Variants in MED22 observed in about 807,000 individuals in gnomAD.
MED22 encodes mediator of RNA polymerase II transcription subunit 22.
MED22 carries 22 observed loss-of-function variants against 22.7 expected under a neutral mutation model. The ratio of observed to expected loss-of-function variants is 0.97; its 90% CI spans 0.69 to 1.38. MED22 has a LOEUF of 1.38. MED22 is among the 40% of genes most tolerant of loss of function. The pLI, the probability that MED22 is intolerant of heterozygous loss-of-function variation, is 0.00. For missense variants in MED22, 247 were observed against 263.0 expected (o/e 0.94, Z 0.42); for synonymous variants, 134 against 119.4 (o/e 1.12, Z -0.80).
Position 133,346,530 on chromosome 9 carries a change from C to T in MED22, c.123+10G>A, listed in dbSNP as rs2129968568. The T allele has an allele frequency of 6.2e-7, 1 of 1,612,120 alleles. No homozygotes were observed. The highest frequency in any genetic ancestry group is 8.5e-7 in the Non-Finnish European group (1 of 1,179,898). On this transcript the variant is annotated intron_variant, in intron 2 of 4. Transcript: ENST00000343730. ...ACTCTGCTCCCCTTGGTGGGCCACC[C>T]CACCCCCACCTTGGCGGTCTTGATG... is the stretch of plus-strand genomic sequence containing the variant.
chr9:133,339,244 A>G lies in MED22; in HGVS notation c.*2261T>C. The G allele has an allele frequency of 4.3e-6, 3 of 703,384 alleles. No homozygotes were observed. Among genetic ancestry groups the G allele is most frequent in the African/African-American group, 1.7e-5 (1 of 57,280 alleles). 43.6% of individuals were successfully genotyped at this position (703,384 alleles called of 1,614,324 possible). Reference sequence around the variant, plus strand: ...ACAAGTAAGGGCAAGATTCTTGCCAAGAGAATGAATGTGCATATTCAGCAC... The same window carrying G: ...ACAAGTAAGGGCAAGATTCTTGCCAGGAGAATGAATGTGCATATTCAGCAC... On this transcript the variant is annotated 3_prime_UTR_variant, in exon 5 of 5. Transcript: ENST00000343730.
In MED22 at chr9:133,346,536, C is replaced by T; in HGVS notation, c.123+4G>A. ...CTCCCCTTGGTGGGCCACCCCACCC[C>T]CACCTTGGCGGTCTTGATGATCTCG... On this transcript the variant is annotated splice_donor_region_variant and intron_variant, in intron 2 of 4. Coordinates refer to ENST00000343730, the MANE Select transcript of MED22 (RefSeq NM_133640.5). The T allele has an allele frequency of 6.2e-7, 1 of 1,612,384 alleles. No homozygotes were observed.
chr9:133,343,326 G>A (rs1836069626), intron 4 of MED22: 1 of 1,229,754 alleles, frequency 8.1e-7, no homozygotes, highest in African/African-American at 1.6e-5. Context: ...GATTTTCTAA[G>A]CTAATGGGGC....
chr9:133,341,562 C>G lies in MED22; in HGVS notation c.546G>C (p.Gln182His). ...ASPEPSAGPL[Q>H]VAAPAHSHAG... ...CATGGGAGTGGGCAGGGGCTGCCAC[C>G]TGTAGGGGGCCAGCACTGGGCTCCG... is the stretch of plus-strand genomic sequence containing the variant. Residue 182 changes from glutamine (Q) to histidine (H), a missense_variant, in exon 5 of 5, where the codon CAG (glutamine) becomes CAC (histidine). Transcript: ENST00000343730. 1 of 1,560,264 alleles carries G rather than the reference C, an allele frequency of 6.4e-7. No individual in the cohort carries two copies. The highest frequency in any genetic ancestry group is 8.6e-7 in the Non-Finnish European group (1 of 1,160,740).
chr9:133,346,410 TGACC>T, intron 2 of MED22, 126 bp downstream of exon 2: 5 of 1,169,740 alleles, frequency 4.3e-6, no homozygotes, highest in Non-Finnish European at 6.1e-6. Context: ...GCTTATCTAC[TGACC>T]AGCTCCCTGT....
chr9:133,339,320 T>C lies in MED22; in HGVS notation c.*2185A>G. ...GCTTCCTGAAACGCGTGAAGGAAAATGATCAGAAAAAGAGGGAAGCCAAAG... is the reference window on the plus strand; with the variant it reads ...GCTTCCTGAAACGCGTGAAGGAAAACGATCAGAAAAAGAGGGAAGCCAAAG... On this transcript the variant is annotated 3_prime_UTR_variant, in exon 5 of 5. Transcript: ENST00000343730. 1 of 711,886 alleles carries C rather than the reference T, an allele frequency of 1.4e-6. No homozygotes were observed. The allele number at this position is 711,886 out of a possible 1,614,324, so 44.1% of individuals were successfully genotyped here.
chr9:133,342,652 A>G, intron 4 of MED22: 1 of 985,834 alleles, frequency 1.0e-6, no homozygotes, highest in Non-Finnish European at 1.2e-6. Flanking sequence ...CAATGTACAG[A>G]GGAGGGCAAC....
At position 133,339,173 on chromosome 9, in the gene MED22, G is replaced by C; in HGVS notation, c.*2332C>G. The C allele has an allele frequency of 1.5e-6, 1 of 687,358 alleles. No individual in the cohort carries two copies. The highest frequency in any genetic ancestry group is 1.8e-5 in the Admixed American group (1 of 56,082). The allele number at this position is 687,358 out of a possible 1,614,324, so 42.6% of individuals were successfully genotyped here. On this transcript the variant is annotated 3_prime_UTR_variant, in exon 5 of 5. Coordinates refer to ENST00000343730, the MANE Select transcript of MED22 (RefSeq NM_133640.5). The stretch of plus-strand genomic sequence containing the variant: ...CCACAAATGTCACCATGGCTAGACT[G>C]GGAGAGTCTACAGTGTTCCCCAGCA...
Position 133,340,624 on chromosome 9 carries a change from C to T in MED22, c.*881G>A, listed in dbSNP as rs1188306081. On this transcript the variant is annotated 3_prime_UTR_variant, in exon 5 of 5. Coordinates refer to ENST00000343730, the MANE Select transcript of MED22 (RefSeq NM_133640.5). ...CTCTGTGGCCGTGGTACACCTCACC[C>T]CTTCTAAGTCCACATCCTCTCCTCT... is the stretch of plus-strand genomic sequence containing the variant. 6.6e-6 allele frequency: 1 copy of T among 152,266 alleles called. No homozygotes were observed. The highest frequency in any genetic ancestry group is 2.4e-5 in the African/African-American group (1 of 41,466). 9.4% of individuals were successfully genotyped at this position (152,266 alleles called of 1,614,324 possible).
At position 133,339,171 on chromosome 9, in the gene MED22, C is replaced by A; in HGVS notation, c.*2334G>T. 1.5e-6 allele frequency: 1 copy of A among 686,372 alleles called. No homozygotes were observed. 42.5% of individuals were successfully genotyped at this position (686,372 alleles called of 1,614,324 possible). ...CCCCACAAATGTCACCATGGCTAGACTGGGAGAGTCTACAGTGTTCCCCAG... is the reference window on the plus strand; with the variant it reads ...CCCCACAAATGTCACCATGGCTAGAATGGGAGAGTCTACAGTGTTCCCCAG... On this transcript the variant is annotated 3_prime_UTR_variant, in exon 5 of 5. Coordinates refer to ENST00000343730, the MANE Select transcript of MED22 (RefSeq NM_133640.5).
At chr9:133,347,276 G>C (rs1196361326) in intron 1 of MED22, 1 of 152,960 alleles carries the variant, frequency 6.5e-6, no homozygotes, top group Non-Finnish European at 1.5e-5. Flanking sequence ...CCAGCACTTT[G>C]GGAGGCCGAG....
Position 133,348,081 on chromosome 9 carries a change from T to C in MED22, c.-198A>G. On this transcript the variant is annotated 5_prime_UTR_variant, in exon 1 of 5. Transcript: ENST00000343730. ...GCCGCGCCGCGGTCCGAAAACCTAG[T>C]CAGCCGCCGCAGCCTCTCGGCCCCG... 2.0e-6 allele frequency: 2 copies of C among 1,018,420 alleles called. No homozygotes were observed. The highest frequency in any genetic ancestry group is 2.8e-5 in the South Asian group (2 of 70,814). The allele number at this position is 1,018,420 out of a possible 1,614,324, so 63.1% of individuals were successfully genotyped here. A position where few individuals can be genotyped will look rare whatever the true frequency, so the allele number is the denominator to read the frequency against.
At chr9:133,346,808 A>G (rs1214386343) in intron 1 of MED22, 108 bp from the exon 2 acceptor site, 4 of 994,690 alleles carry the variant, frequency 4.0e-6, no homozygotes, top group Non-Finnish European at 5.7e-6. Context: ...CTTTCTGCCA[A>G]ATAAAGTCAA....
Position 133,344,341 on chromosome 9 carries a change from C to T in MED22, c.205-8G>A. ...GGACTCGCCGGCTCGGACCTGTGGC[C>T]ATCAGAACCAGGGCGGGCACAGGGT... On this transcript the variant is annotated splice_polypyrimidine_tract_variant and splice_region_variant and intron_variant, in intron 3 of 4. Coordinates refer to ENST00000343730, the MANE Select transcript of MED22 (RefSeq NM_133640.5). 1.2e-6 allele frequency: 2 copies of T among 1,613,846 alleles called. No homozygotes were observed. The highest frequency in any genetic ancestry group is 2.2e-5 in the South Asian group (2 of 91,062).
At chr9:133,343,644 CCA>C (rs938205600) in intron 4 of MED22, 1 of 1,249,448 alleles carries the variant, frequency 8.0e-7, no homozygotes, top group Non-Finnish European at 1.0e-6. Flanking sequence ...GTCCCTGCCT[CCA>C]CACTGGGGTT....
rs115204315 is a variant in MED22 at position 133,339,693 on chromosome 9, A to G, written c.*1812T>C. The G allele has an allele frequency of 3.8e-3, 1,213 of 316,368 alleles. 8 individuals carry two copies. Among genetic ancestry groups the G allele is most frequent in the African/African-American group, 0.018 (826 of 45,786 alleles). The allele number at this position is 316,368 out of a possible 1,614,324, so 19.6% of individuals were successfully genotyped here. ...GCCCTCAAAATAAAAAGCTTGGGAT[A>G]AAAGAGTTACATGGACTGAGAATGG... On this transcript the variant is annotated 3_prime_UTR_variant, in exon 5 of 5. Coordinates refer to ENST00000343730, the MANE Select transcript of MED22 (RefSeq NM_133640.5).
At position 133,341,586 on chromosome 9, in the gene MED22, CG is replaced by C; in HGVS notation, c.521del (p.Pro174ArgfsTer41). 6.3e-7 allele frequency: 1 copy of C among 1,582,676 alleles called. No individual in the cohort carries two copies. Among genetic ancestry groups the C allele is most frequent in the Non-Finnish European group, 8.6e-7 (1 of 1,168,186 alleles). On this transcript the variant is annotated frameshift_variant, in exon 5 of 5. Coordinates refer to ENST00000343730, the MANE Select transcript of MED22 (RefSeq NM_133640.5). LOFTEE classifies it low-confidence loss of function (END_TRUNC). Reference protein sequence around the residue: ...DGLSAPLLASPEPSAGPLQVA... With the variant: ...DGLSAPLLASXEPSAGPLQVA... ...CCTGTAGGGGGCCAGCACTGGGCTC[CG>C]GGGACGCCAGCAGAGGGGCCGAGAG...
intron 4 of MED22, chr9:133,342,470 G>A: frequency 6.1e-6 from 6 of 986,566 alleles, no homozygotes; most frequent in Non-Finnish European, 7.2e-6. Context: ...CCCGAGGAAC[G>A]CAAAGGAGAG....
intron 4 of MED22, chr9:133,343,697 C>T (rs1334024207): frequency 3.1e-6 from 4 of 1,273,182 alleles, no homozygotes; most frequent in Non-Finnish European, 4.0e-6. Flanking sequence ...GTGCCCTGGA[C>T]ATAGGTGTGG....
Sources: gnomAD v4.1 joint callset for allele counts on GRCh38, gnomAD v4.1.1 for gene constraint, MANE v1.5 for transcripts, NCBI Gene and HGNC (gene_info 2026-07-23, HGNC 2026-07-21) for gene names.